The following FAM24B variants were observed in gnomAD, a reference collection of about 807,000 sequenced individuals.
The protein encoded by FAM24B is protein FAM24B.
A neutral mutation model predicts 2.3 loss-of-function variants in FAM24B; 3 were observed. That is an observed-to-expected ratio of 1.29 (90% CI 0.59 to 3.32). FAM24B has a LOEUF of 3.32. Ranked by LOEUF, FAM24B falls within the 30% of genes most tolerant of loss-of-function variation. The pLI is 0.03. For missense variants in FAM24B, 98 were observed against 117.2 expected (o/e 0.84, Z 0.76); for synonymous variants, 36 against 46.3 (o/e 0.78, Z 0.90).
rs777262036 is a variant in FAM24B at position 122,849,259 on chromosome 10, AT to A, written c.272del (p.Asn91MetfsTer20). 6.4e-7 allele frequency: 1 copy of A among 1,569,348 alleles called. No homozygotes were observed. The highest frequency in any genetic ancestry group is 1.2e-5 in the South Asian group (1 of 85,040). The stretch of plus-strand genomic sequence containing the variant: ...CACCTTTCCTAACTCAGAGGCCCTC[AT>A]TTATGTCGCAACAGCAAGGTGGCAG... ...DSLPPCCCDI[N>X]EGL On this transcript the variant is annotated frameshift_variant, in exon 4 of 4. Transcript: ENST00000368898. LOFTEE classifies it high-confidence loss of function.
intron 1 of FAM24B, among the ~76,000 whole-genome samples, chr10:122,856,550 T>C (rs886634354): frequency 6.6e-6 from 1 of 152,114 alleles, no homozygotes; most frequent in Non-Finnish European, 1.5e-5. Context: ...TCAATCCCAA[T>C]GAGAACGGCC....
intron 1 of FAM24B, among the ~76,000 whole-genome samples, chr10:122,862,404 C>T (rs1566256465): frequency 1.3e-5 from 2 of 152,144 alleles, no homozygotes; most frequent in East Asian, 3.9e-4. Context: ...TAAGTATACA[C>T]ATTTTAGAAA....
At chr10:122,863,089 CATTAAGCCAAGGCATTTGGTCT>C (rs1847751964) in intron 1 of FAM24B, among the ~76,000 whole-genome samples, 2 of 152,174 alleles carry the variant, frequency 1.3e-5, no homozygotes, top group African/African-American at 4.8e-5. Flanking sequence ...TTCCCACTTC[CATTAAGCCAAGGCATTTGGTCT>C]TATCACCAGG....
At chr10:122,855,027 T>A (rs1038410608) in intron 2 of FAM24B, among the ~76,000 whole-genome samples, 1 of 152,030 alleles carries the variant, frequency 6.6e-6, no homozygotes, top group African/African-American at 2.4e-5. Context: ...TCTGCTCCGC[T>A]CCCGGGAAAC....
chr10:122,866,710 G>A (rs926244503), intron 1 of FAM24B, among the ~76,000 whole-genome samples: 9 of 152,072 alleles, frequency 5.9e-5, no homozygotes, highest in Non-Finnish European at 1.2e-4. Flanking sequence ...TAACATGGCA[G>A]ACTTAATCAA....
At chr10:122,852,435 A>T (rs36212410) in intron 2 of FAM24B, among the ~76,000 whole-genome samples, 2,275 of 152,306 alleles carry the variant, frequency 0.015, 54 homozygotes, top group African/African-American at 0.046. Flanking sequence ...GGGGGCACAC[A>T]TTCATGAGTC....
At chr10:122,872,370 C>T (rs1210606746) in intron 1 of FAM24B, among the ~76,000 whole-genome samples, 1 of 152,212 alleles carries the variant, frequency 6.6e-6, no homozygotes, top group Non-Finnish European at 1.5e-5. Flanking sequence ...TTGTGGAAGT[C>T]AGTGTGGCGA....
intron 1 of FAM24B, among the ~76,000 whole-genome samples, chr10:122,873,415 C>A (rs755414508): frequency 6.6e-6 from 1 of 152,216 alleles, no homozygotes; most frequent in Non-Finnish European, 1.5e-5. Context: ...TTTAAGCTCC[C>A]TGCTGTGACC....
intron 1 of FAM24B, among the ~76,000 whole-genome samples, chr10:122,877,181 A>G (rs1847988241): frequency 6.6e-6 from 1 of 152,264 alleles, no homozygotes; most frequent in Admixed American, 6.5e-5. Context: ...GAGGTCACCT[A>G]GGCACCAGCA....
Position 122,879,563 on chromosome 10 carries a change from C to G in FAM24B, c.-256G>C, listed in dbSNP as rs1372411099. 6.6e-6 allele frequency: 1 copy of G among 152,662 alleles called. No individual in the cohort carries two copies. Among genetic ancestry groups the G allele is most frequent in the Non-Finnish European group, 1.5e-5 (1 of 68,366 alleles). 9.5% of individuals were successfully genotyped at this position (152,662 alleles called of 1,614,324 possible). A position where few individuals can be genotyped will look rare whatever the true frequency, so the allele number is the denominator to read the frequency against. On this transcript the variant is annotated 5_prime_UTR_variant, in exon 1 of 4. Transcript: ENST00000368898. ...TCCACCGCCAGCGTCGAAAAACCGCCGTGGTGCCCGCGCACAGTGCACCGC... is the reference window on the plus strand; with the variant it reads ...TCCACCGCCAGCGTCGAAAAACCGCGGTGGTGCCCGCGCACAGTGCACCGC...
At chr10:122,878,298 C>T (rs56776542) in intron 1 of FAM24B, among the ~76,000 whole-genome samples, 1,667 of 152,138 alleles carry the variant, frequency 0.011, 30 homozygotes, top group African/African-American at 0.038. Context: ...TTTTGGGAGC[C>T]GAGGCGGGCG....
At chr10:122,856,549 A>G (rs561785287) in intron 1 of FAM24B, among the ~76,000 whole-genome samples, 2 of 152,072 alleles carry the variant, frequency 1.3e-5, no homozygotes, top group African/African-American at 2.4e-5. Context: ...CTCAATCCCA[A>G]TGAGAACGGC....
chr10:122,872,614 T>G (rs1456733631), intron 1 of FAM24B, among the ~76,000 whole-genome samples: 5 of 152,020 alleles, frequency 3.3e-5, no homozygotes, highest in Admixed American at 1.3e-4. Context: ...CCATAAAAAA[T>G]GATGAGTTCA....
chr10:122,867,114 C>G (rs933302908), intron 1 of FAM24B, among the ~76,000 whole-genome samples: 1 of 152,182 alleles, frequency 6.6e-6, no homozygotes, highest in African/African-American at 2.4e-5. Flanking sequence ...GAAAATCAAA[C>G]CAGCCACAAC....
intron 1 of FAM24B, among the ~76,000 whole-genome samples, chr10:122,869,142 T>G (rs903332526): frequency 8.6e-5 from 13 of 151,994 alleles, no homozygotes; most frequent in Admixed American, 2.6e-4. Flanking sequence ...TCCTAGTCTC[T>G]GATAAAACAG....
intron 1 of FAM24B, among the ~76,000 whole-genome samples, chr10:122,877,255 T>C (rs747793985): frequency 8.5e-5 from 13 of 152,144 alleles, no homozygotes; most frequent in Non-Finnish European, 1.8e-4. Context: ...GATCATGGCA[T>C]TGTAGTAAAG....
chr10:122,878,097 C>T (rs1470394178), intron 1 of FAM24B, among the ~76,000 whole-genome samples: 1 of 152,162 alleles, frequency 6.6e-6, no homozygotes, highest in Non-Finnish European at 1.5e-5. Context: ...GTGTGGAGGG[C>T]TGTGCTTGGC....
intron 1 of FAM24B, among the ~76,000 whole-genome samples, chr10:122,864,700 A>G (rs1847774010): frequency 6.6e-6 from 1 of 152,186 alleles, no homozygotes. Flanking sequence ...CCAAAATCCC[A>G]TGCTTCACTT....
chr10:122,854,270 A>G (rs1374873125), intron 2 of FAM24B, among the ~76,000 whole-genome samples: 3 of 152,210 alleles, frequency 2.0e-5, no homozygotes, highest in African/African-American at 7.2e-5. Flanking sequence ...CTGAGTTGCA[A>G]TGAAGGCAAC....
Sources: gnomAD v4.1 joint callset for allele counts (sites outside exome capture counted in the v4.1 genomes callset) on GRCh38, gnomAD v4.1.1 for gene constraint, MANE v1.5 for transcripts, NCBI Gene and HGNC (gene_info 2026-07-23, HGNC 2026-07-21) for gene names.